The following VPS13D variants were observed in gnomAD, a reference collection of about 807,000 sequenced individuals.
VPS13D encodes vacuolar protein sorting 13 homolog D.
Under a neutral mutation model 461.9 loss-of-function variants are expected in VPS13D, and 187 were observed. That is an observed-to-expected ratio of 0.40 (90% CI 0.36 to 0.46). The LOEUF (loss-of-function observed/expected upper bound fraction) is 0.46. Ranked by LOEUF, VPS13D falls within the 20% of genes least tolerant of loss-of-function variation. VPS13D has a pLI of 0.60. For synonymous variants in VPS13D, 1,951 were observed against 1,986.3 expected (o/e 0.98, Z 0.47); for missense variants, 4,711 against 5,364.9 (o/e 0.88, Z 3.81).
rs75157814 is a variant in VPS13D at position 12,495,166 on chromosome 1, T to G, written c.12663-2334T>G. Among the ~76,000 whole-genome samples the G allele has an allele frequency of 6.6e-6, 1 of 151,478 alleles. No homozygotes were observed. Among genetic ancestry groups the G allele is most frequent in the Non-Finnish European group, 1.5e-5 (1 of 67,854 alleles). ...TAACTTACCTTTTTTTTTTTTTTTT[T>G]TGAGACAGAGTCTTGCTCTGTCGCC... is the stretch of plus-strand genomic sequence containing the variant. On this transcript the variant is annotated intron_variant, in intron 67 of 69. Transcript: ENST00000620676. The surrounding 1 kb of genome is among the most constrained non-coding windows in gnomAD (Gnocchi z 4.0).
In VPS13D at chr1:12,426,523, A is replaced by G. The variant is rs558617885; in HGVS notation, c.12333+9696A>G. On this transcript the variant is annotated intron_variant, in intron 65 of 69. Transcript: ENST00000620676. ...CCACTAACAGTTACAGGCAGAAAAT[A>G]AACTCATTGTCCCCAGTAGTCCTTT... 3.3e-5 allele frequency among the ~76,000 whole-genome samples: 5 copies of G among 152,308 alleles called. No homozygotes were observed. The South Asian group carries it at 1.0e-3, about 32-fold the overall frequency.
chr1:12,362,555 T>C (rs990035134), intron 50 of VPS13D, among the ~76,000 whole-genome samples, 165 bp from the exon 51 acceptor site: 1 of 152,226 alleles, frequency 6.6e-6, no homozygotes, highest in African/African-American at 2.4e-5. Context: ...ATACTTTGAG[T>C]ACAATTGCTG....
At chr1:12,295,235 A>C (rs552260074) in intron 24 of VPS13D, among the ~76,000 whole-genome samples, 16 of 149,538 alleles carry the variant, frequency 1.1e-4, no homozygotes, top group East Asian at 7.8e-4. Context: ...AAAAAAAAAA[A>C]AAAAACAAAA....
Position 12,356,097 on chromosome 1 carries a change from A to G in VPS13D, c.9871+7A>G, listed in dbSNP as rs1162727245. 1 of 1,595,262 alleles carries G rather than the reference A, an allele frequency of 6.3e-7. No homozygotes were observed. Among genetic ancestry groups the G allele is most frequent in the East Asian group, 2.2e-5 (1 of 44,488 alleles). The stretch of plus-strand genomic sequence containing the variant: ...TGGCTGATTAACAAAACAGGTACAT[A>G]CAGGGGCTGCTCAAGTAGGTCTTTG... On this transcript the variant is annotated splice_region_variant and intron_variant, in intron 48 of 69. Transcript: ENST00000620676.
intron 52 of VPS13D, among the ~76,000 whole-genome samples, chr1:12,367,350 T>G (rs1644050231): frequency 6.6e-6 from 1 of 152,188 alleles, no homozygotes; most frequent in South Asian, 2.1e-4. Context: ...GTCTCATTAT[T>G]GTTGGTGATA....
rs751102084 is a variant in VPS13D at position 12,319,486 on chromosome 1, G to T, written c.7415-11G>T. ...CAGCTCTGGCTTGATTGACGACGTTGTCCTTTCCAGGTACGGAGTTTGTGG... is the reference window on the plus strand; with the variant it reads ...CAGCTCTGGCTTGATTGACGACGTTTTCCTTTCCAGGTACGGAGTTTGTGG... On this transcript the variant is annotated splice_polypyrimidine_tract_variant and intron_variant, in intron 31 of 69. Transcript: ENST00000620676. The T allele has an allele frequency of 3.7e-6, 6 of 1,613,814 alleles. No homozygotes were observed. Among genetic ancestry groups the T allele is most frequent in the Non-Finnish European group, 4.2e-6 (5 of 1,179,862 alleles).
intron 20 of VPS13D, among the ~76,000 whole-genome samples, chr1:12,280,157 T>C (rs922722844): frequency 6.6e-6 from 1 of 152,128 alleles, no homozygotes; most frequent in African/African-American, 2.4e-5. Context: ...TTCAAAAGTG[T>C]CATTTTCCCT....
Position 12,507,324 on chromosome 1 carries a change from A to G in VPS13D, c.13035+231A>G, listed in dbSNP as rs1299476455. The G allele has an allele frequency of 3.9e-6, 3 of 766,532 alleles. No individual in the cohort carries two copies. Among genetic ancestry groups the G allele is most frequent in the Admixed American group, 3.4e-5 (2 of 58,100 alleles). The allele number at this position is 766,532 out of a possible 1,614,324, so 47.5% of individuals were successfully genotyped here. A position where few individuals can be genotyped will look rare whatever the true frequency, so the allele number is the denominator to read the frequency against. ...CCCTGGGAACATTAACTGCCTCACA[A>G]CGTTTGTGCCTCAGTTACCCGTAGA... On this transcript the variant is annotated intron_variant, in intron 69 of 69. Coordinates refer to ENST00000620676, the MANE Select transcript of VPS13D (RefSeq NM_015378.4). The surrounding 1 kb of genome is among the most constrained non-coding windows in gnomAD (Gnocchi z 5.3).
At chr1:12,458,745 A>G (rs1398262812) in intron 66 of VPS13D, among the ~76,000 whole-genome samples, 1 of 152,152 alleles carries the variant, frequency 6.6e-6, no homozygotes, top group African/African-American at 2.4e-5. Flanking sequence ...TCAGAGGGTA[A>G]ACATCCTGTG....
At chr1:12,457,032 C>G (rs527317025) in intron 66 of VPS13D, among the ~76,000 whole-genome samples, 1 of 152,280 alleles carries the variant, frequency 6.6e-6, no homozygotes, top group South Asian at 2.1e-4. Flanking sequence ...ATTTATTTGC[C>G]TAAGAGATGT....
intron 60 of VPS13D, among the ~76,000 whole-genome samples, chr1:12,391,325 C>T (rs537450466): frequency 6.6e-6 from 1 of 152,322 alleles, no homozygotes; most frequent in East Asian, 1.9e-4. Context: ...GAACCAGGCT[C>T]TAGTCTTCCC....
chr1:12,440,982 A>G (rs1426888471), intron 65 of VPS13D, among the ~76,000 whole-genome samples: 1 of 149,482 alleles, frequency 6.7e-6, no homozygotes, highest in Non-Finnish European at 1.5e-5. Context: ...GTGGAGTGCA[A>G]TGGTGCAATC....
intron 26 of VPS13D, among the ~76,000 whole-genome samples, chr1:12,306,589 T>G (rs1276242593): frequency 6.6e-6 from 1 of 152,220 alleles, no homozygotes; most frequent in Non-Finnish European, 1.5e-5. Flanking sequence ...CCTACTGATT[T>G]GCTATTTGTT....
At position 12,247,425 on chromosome 1, in the gene VPS13D, A is replaced by G. The variant is rs533040796; in HGVS notation, c.448-1798A>G. 3.7e-4 allele frequency among the ~76,000 whole-genome samples: 57 copies of G among 152,076 alleles called. 1 individual carries two copies. The South Asian group carries it at 0.011, about 31-fold the overall frequency. On this transcript the variant is annotated intron_variant, in intron 5 of 69. Coordinates refer to ENST00000620676, the MANE Select transcript of VPS13D (RefSeq NM_015378.4). Reference sequence around the variant, plus strand: ...AAGCGAGACTCCATCTCAAAAAAAAAAAAAGCCTGCAGAAATGGTGAGATA... The same window carrying G: ...AAGCGAGACTCCATCTCAAAAAAAAGAAAAGCCTGCAGAAATGGTGAGATA...
At chr1:12,426,166 AT>A (rs147425726) in intron 65 of VPS13D, among the ~76,000 whole-genome samples, 1,588 of 152,368 alleles carry the variant, frequency 0.01, 27 homozygotes, top group African/African-American at 0.036. Context: ...ACTCAAAAGC[AT>A]TTGAGTAAGC....
intron 60 of VPS13D, among the ~76,000 whole-genome samples, chr1:12,391,884 A>G (rs976899275): frequency 6.6e-6 from 1 of 152,086 alleles, no homozygotes; most frequent in Non-Finnish European, 1.5e-5. Context: ...TTTTGAGACA[A>G]GAATCTTGCT....
intron 33 of VPS13D, 142 bp from the exon 34 acceptor site, chr1:12,322,394 T>A (rs1402331841): frequency 1.2e-6 from 1 of 820,726 alleles, no homozygotes; most frequent in African/African-American, 1.7e-5. Context: ...ACTTTCAAGA[T>A]CTTTGCAATC....
chr1:12,396,489 C>T (rs769352076), intron 60 of VPS13D, among the ~76,000 whole-genome samples: 6 of 152,238 alleles, frequency 3.9e-5, no homozygotes, highest in East Asian at 3.9e-4. Context: ...ATACTTGGAA[C>T]GCTTTTCCTT....
intron 65 of VPS13D, among the ~76,000 whole-genome samples, chr1:12,421,924 C>T (rs532108686): frequency 4.6e-5 from 7 of 152,190 alleles, no homozygotes; most frequent in South Asian, 2.1e-4. Flanking sequence ...TGGGTTCAAG[C>T]GATCCTCCCA....
Sources: gnomAD v4.1 joint callset for allele counts (sites outside exome capture counted in the v4.1 genomes callset) on GRCh38, gnomAD v4.1.1 for gene constraint, Gnocchi (gnomAD v3.1) non-coding constraint, MANE v1.5 for transcripts, NCBI Gene and HGNC (gene_info 2026-07-23, HGNC 2026-07-21) for gene names.